Variants in PRICKLE2 observed in about 807,000 individuals in gnomAD.
The protein encoded by PRICKLE2 is prickle planar cell polarity protein 2.
PRICKLE2 carries 21 observed loss-of-function variants against 81.4 expected under a neutral mutation model. The observed-to-expected ratio is 0.26, with a 90% CI of 0.18 to 0.37. The LOEUF (loss-of-function observed/expected upper bound fraction) is 0.37, where lower values mean the gene tolerates loss of function less well. Ranked by LOEUF, PRICKLE2 falls within the 10% of genes least tolerant of loss-of-function variation. The pLI, the probability that PRICKLE2 is intolerant of heterozygous loss-of-function variation, is 1.00. For missense variants in PRICKLE2, 940 were observed against 1,109.0 expected, an observed-to-expected ratio of 0.85 and a Z score of 2.16; for synonymous variants, 456 against 421.5, an observed-to-expected ratio of 1.08 and a Z score of -1.00.
chr3:64,213,140 A>G (rs2078817786), intron 1 of PRICKLE2, among the ~76,000 whole-genome samples: 1 of 149,396 alleles, frequency 6.7e-6, no homozygotes, highest in South Asian at 2.1e-4. Context: ...GCAATGGCGC[A>G]ATCTCGGCTC....
rs375188198 is a variant in PRICKLE2, at chr3:64,161,086, C to T, written c.259-1009G>A. ...GAAATCCTAAAACAGAGATCCCTGACGCTCCTACTTAAAAGTGGAGGCCAG... is the reference window on the plus strand; with the variant it reads ...GAAATCCTAAAACAGAGATCCCTGATGCTCCTACTTAAAAGTGGAGGCCAG... On this transcript the variant is annotated intron_variant, in intron 3 of 7. Transcript: ENST00000638394. Among the ~76,000 whole-genome samples the T allele has an allele frequency of 1.3e-4, 20 of 151,818 alleles. No individual in the cohort carries two copies. In the South Asian group the frequency reaches 1.9e-3, roughly 14 times the overall value.
chr3:64,178,269 T>C (rs1391252488), intron 2 of PRICKLE2, among the ~76,000 whole-genome samples: 1 of 152,226 alleles, frequency 6.6e-6, no homozygotes, highest in Non-Finnish European at 1.5e-5. Context: ...GAACCGTATA[T>C]ATTCTGTATC....
At chr3:64,131,441 T>C (rs1465054454) in intron 7 of PRICKLE2, among the ~76,000 whole-genome samples, 1 of 152,220 alleles carries the variant, frequency 6.6e-6, no homozygotes, top group East Asian at 1.9e-4. Flanking sequence ...CAATCTGCCA[T>C]GGCTAATACT....
At chr3:64,268,100 G>C (rs763484203) in intron 2 of PRICKLE2, 12 of 152,362 alleles carry the variant, frequency 7.9e-5, no homozygotes, top group Admixed American at 1.3e-4. Flanking sequence ...AACATTCCTG[G>C]GGCGGCAGCT....
intron 7 of PRICKLE2, among the ~76,000 whole-genome samples, chr3:64,111,960 C>G (rs1022806520): frequency 2.6e-5 from 4 of 152,144 alleles, no homozygotes; most frequent in African/African-American, 4.8e-5. Context: ...GCACTCATGA[C>G]AATGTAAAAG....
At chr3:64,178,083 T>A (rs1179422471) in intron 2 of PRICKLE2, among the ~76,000 whole-genome samples, 2 of 152,220 alleles carry the variant, frequency 1.3e-5, no homozygotes, top group African/African-American at 4.8e-5. Flanking sequence ...TTTTTAAAAT[T>A]ATAACCATCT....
At position 64,160,058 on chromosome 3, in the gene PRICKLE2, A is replaced by C; in HGVS notation, c.278T>G (p.Leu93Arg). The C allele has an allele frequency of 6.2e-7, 1 of 1,614,108 alleles. No individual in the cohort carries two copies. Among genetic ancestry groups the C allele is most frequent in the South Asian group, 1.1e-5 (1 of 91,074 alleles). ...HDNEVRYCNS[L>R]DEEEKRELKL... ...CAGCTCCCTCTTCTCTTCCTCATCCAGGGAGTTGCAATATCGAACCTGAAT... is the reference window on the plus strand; with the variant it reads ...CAGCTCCCTCTTCTCTTCCTCATCCCGGGAGTTGCAATATCGAACCTGAAT... Residue 93 changes from leucine (L) to arginine (R), a missense_variant, in exon 4 of 8, where the codon CTG (leucine) becomes CGG (arginine). Leu to Arg is a moderately radical substitution (Grantham distance 102). Coordinates refer to ENST00000638394, the MANE Select transcript of PRICKLE2 (RefSeq NM_198859.4).
rs1365771427 is a variant in PRICKLE2, at chr3:64,096,359, G to A, written c.*2692C>T. 1.3e-5 allele frequency: 2 copies of A among 152,164 alleles called. No individual in the cohort carries two copies. Among genetic ancestry groups the A allele is most frequent in the African/African-American group, 4.8e-5 (2 of 41,420 alleles). 9.4% of individuals were successfully genotyped at this position (152,164 alleles called of 1,614,324 possible). A position where few individuals can be genotyped will look rare whatever the true frequency, so the allele number is the denominator to read the frequency against. On this transcript the variant is annotated 3_prime_UTR_variant, in exon 8 of 8. Transcript: ENST00000638394. ...GTGAGGACCTTAAGTTCTTGCCTCA[G>A]GAAATAATGCATTGGGAGTGGGATT...
intron 2 of PRICKLE2, among the ~76,000 whole-genome samples, chr3:64,264,004 TGGGAA>T (rs2079657031): frequency 6.6e-6 from 1 of 151,948 alleles, no homozygotes; most frequent in African/African-American, 2.4e-5. Context: ...GGCAGGGCAG[TGGGAA>T]GGGTGGTTAC....
intron 1 of PRICKLE2, among the ~76,000 whole-genome samples, chr3:64,220,206 G>A (rs2078930384): frequency 6.6e-6 from 1 of 152,174 alleles, no homozygotes; most frequent in Admixed American, 6.5e-5. Context: ...ACTGATGAAT[G>A]GATGCCAAGA....
At chr3:64,154,948 A>T (rs2107029898) in intron 5 of PRICKLE2, 1 of 152,088 alleles carries the variant, frequency 6.6e-6, no homozygotes, top group South Asian at 2.1e-4. Context: ...CAGAAGTTTG[A>T]GATGAGCCTC....
chr3:64,177,999 A>C (rs1355882811), intron 2 of PRICKLE2, among the ~76,000 whole-genome samples: 2 of 152,222 alleles, frequency 1.3e-5, no homozygotes, highest in Non-Finnish European at 2.9e-5. Flanking sequence ...AAGTGGCTGC[A>C]CCATTTTACA....
At chr3:64,165,959 T>TA (rs2077821705) in intron 2 of PRICKLE2, among the ~76,000 whole-genome samples, 1 of 144,538 alleles carries the variant, frequency 6.9e-6, no homozygotes, top group Admixed American at 6.9e-5. Context: ...CAAACTGTTA[T>TA]AAAGGTGTGT....
At chr3:64,202,131 T>C (rs1414119089) in intron 1 of PRICKLE2, among the ~76,000 whole-genome samples, 1 of 152,262 alleles carries the variant, frequency 6.6e-6, no homozygotes, top group African/African-American at 2.4e-5. Context: ...TCTGGATGAC[T>C]GCAGTTCTGC....
chr3:64,177,861 G>A (rs2078052948), intron 2 of PRICKLE2, among the ~76,000 whole-genome samples: 1 of 152,182 alleles, frequency 6.6e-6, no homozygotes, highest in African/African-American at 2.4e-5. Context: ...ATGCTTCAGT[G>A]AATGTTGGCG....
intron 2 of PRICKLE2, chr3:64,164,013 G>A (rs17720962): frequency 6.6e-6 from 1 of 151,374 alleles, no homozygotes; most frequent in East Asian, 1.9e-4. Flanking sequence ...AACGACATGA[G>A]CACCTCTTGC....
At chr3:64,131,560 A>T (rs2077196845) in intron 7 of PRICKLE2, among the ~76,000 whole-genome samples, 1 of 152,260 alleles carries the variant, frequency 6.6e-6, no homozygotes, top group Admixed American at 6.5e-5. Flanking sequence ...TTGTGCTTTA[A>T]TCAGATTTGT....
intron 2 of PRICKLE2, among the ~76,000 whole-genome samples, chr3:64,171,186 G>T (rs62249938): frequency 0.11 from 16,970 of 152,128 alleles, 1,179 homozygotes; most frequent in East Asian, 0.21. Context: ...CTTTGCTCAA[G>T]GGCCACCTTG....
At chr3:64,163,342 T>G (rs1380956068) in intron 2 of PRICKLE2, 2 of 602,910 alleles carry the variant, frequency 3.3e-6, no homozygotes, top group Non-Finnish European at 5.9e-6. Context: ...CTGGGATTTT[T>G]CCCTCTCTCT....
Sources: allele counts gnomAD v4.1 joint callset (sites outside exome capture counted in the v4.1 genomes callset), GRCh38; gene constraint gnomAD v4.1.1; transcripts MANE v1.5; gene names NCBI Gene and HGNC (gene_info 2026-07-23, HGNC 2026-07-21).